Variants in SMC1A observed in about 807,000 individuals in gnomAD.
SMC1A encodes structural maintenance of chromosomes 1A, also known as structural maintenance of chromosomes protein 1A.
SMC1A carries 4 observed loss-of-function variants against 94.5 expected under a neutral mutation model. The observed-to-expected ratio is 0.04, with a 90% CI of 0.02 to 0.10. The LOEUF is 0.10. Among genes scored for constraint, SMC1A ranks in the 10% least tolerant of loss-of-function variants. The pLI is 1.00. For missense variants in SMC1A, 304 were observed against 989.0 expected, an observed-to-expected ratio of 0.31 and a Z score of 9.29; for synonymous variants, 345 against 347.7, an observed-to-expected ratio of 0.99 and a Z score of 0.09.
At chrX:53,381,475 A>G (rs1556885883) in intron 22 of SMC1A, among the ~76,000 whole-genome samples, 1 of 111,631 alleles carries the variant, frequency 9.0e-6, no homozygotes, top group African/African-American at 3.3e-5. Context: ...CTGCACCCTC[A>G]GCCTAGAATG....
At chrX:53,389,842 CTTTTTT>C (rs1193457348) in intron 19 of SMC1A, among the ~76,000 whole-genome samples, 2 of 55,090 alleles carry the variant, frequency 3.6e-5, no homozygotes, top group African/African-American at 7.3e-5. Context: ...TCCAGAATTT[CTTTTTT>C]TTTTTTTTTT....
Position 53,414,837 on chromosome X carries a change from A to G in SMC1A, c.332T>C (p.Val111Ala), listed in dbSNP as rs1556891055. 8.3e-7 allele frequency: 1 copy of G among 1,208,580 alleles called. No homozygotes were observed. The highest frequency in any genetic ancestry group is 1.1e-6 in the Non-Finnish European group (1 of 892,591). Residue 111 changes from valine to alanine, a missense_variant, in exon 3 of 25, where the codon GTG becomes GCG. Transcript: ENST00000322213. ...CTCACTGTACTCATGTAGTTGGACC[A>G]CTTTGTTGTTGATCTTGTACTCAGA... ...GSSEYKINNKVVQLHEYSEEL... is the reference protein window; with the variant it reads ...GSSEYKINNKAVQLHEYSEEL...
At chrX:53,391,380 A>G (rs1201386084) in intron 19 of SMC1A, among the ~76,000 whole-genome samples, 17 of 106,998 alleles carry the variant, frequency 1.6e-4, no homozygotes, top group African/African-American at 5.8e-4. Flanking sequence ...ACACTTCAGG[A>G]GGCTGAAACA....
chrX:53,384,264 CTT>C (rs781943811), intron 19 of SMC1A, among the ~76,000 whole-genome samples: 15 of 95,705 alleles, frequency 1.6e-4, no homozygotes, highest in Non-Finnish European at 1.5e-4. Flanking sequence ...CCTTTTTAGA[CTT>C]TTTTTTTTTT....
Position 53,414,887 on chromosome X carries a change from G to C in SMC1A, c.299-17C>G, listed in dbSNP as rs1556891065. On this transcript the variant is annotated splice_polypyrimidine_tract_variant and intron_variant, in intron 2 of 24. Transcript: ENST00000322213. ...AAGAACCTCCTACAAGACAATGCAT[G>C]AGTTGGCAAGGGTCAGGCCTCCTTC... 8.4e-7 allele frequency: 1 copy of C among 1,187,443 alleles called. No individual in the cohort carries two copies. The highest frequency in any genetic ancestry group is 1.1e-6 in the Non-Finnish European group (1 of 873,657).
intron 15 of SMC1A, among the ~76,000 whole-genome samples, chrX:53,402,413 TCTGA>T (rs782819397): frequency 4.5e-5 from 5 of 110,453 alleles, no homozygotes; most frequent in African/African-American, 9.9e-5. Context: ...ATTATTTTCT[TCTGA>T]CTATTGTTTC....
At chrX:53,403,717 C>A in intron 14 of SMC1A, 45 bp from the exon 15 acceptor site, 1 of 1,180,176 alleles carries the variant, frequency 8.5e-7, no homozygotes, top group Non-Finnish European at 1.2e-6. Flanking sequence ...TTAGTCTGTC[C>A]TGCTTCCAGT....
intron 19 of SMC1A, 34 bp downstream of exon 19, chrX:53,394,739 AACCCC>A: frequency 5.3e-6 from 1 of 188,679 alleles, no homozygotes; most frequent in Admixed American, 6.2e-5. Flanking sequence ...ACTCCCACCC[AACCCC>A]CACCCCCACC....
chrX:53,404,519 A>C (rs782788399), intron 13 of SMC1A, among the ~76,000 whole-genome samples: 1 of 111,287 alleles, frequency 9.0e-6, no homozygotes, highest in South Asian at 3.8e-4. Flanking sequence ...TTTGAGACAG[A>C]GTCTCGCTCT....
upstream of SMC1A, chrX:53,422,727 CT>C: frequency 1.9e-6 from 1 of 513,102 alleles, no homozygotes; most frequent in South Asian, 2.4e-5. Context: ...ACGTCCAGGC[CT>C]AACGGGATTT....
chrX:53,394,731 T>TGCCCCCCCCCCCCCCCCC, intron 19 of SMC1A, 47 bp downstream of exon 19: 6 of 416,221 alleles, frequency 1.4e-5, no homozygotes, highest in East Asian at 4.6e-5. Context: ...ATAGTCCCAC[T>TGCCCCCCCCCCCCCCCCC]CCCACCCAAC....
intron 19 of SMC1A, among the ~76,000 whole-genome samples, chrX:53,384,875 A>G (rs1381976914): frequency 9.0e-6 from 1 of 110,553 alleles, no homozygotes; most frequent in Non-Finnish European, 1.9e-5. Context: ...GGCACAGGAG[A>G]TCGAGGCTGC....
intron 12 of SMC1A, 42 bp downstream of exon 12, chrX:53,405,203 T>G: frequency 2.5e-6 from 3 of 1,211,956 alleles, no homozygotes; most frequent in Non-Finnish European, 3.4e-6. Context: ...TGACCTAGGC[T>G]TAGGACTCCC....
chrX:53,394,147 C>T lies in SMC1A; in HGVS notation c.2973+631G>A, dbSNP rs782147075. Among the ~76,000 whole-genome samples the T allele has an allele frequency of 8.7e-3, 682 of 78,135 alleles. 9 individuals carry two copies. Among genetic ancestry groups the T allele is most frequent in the African/African-American group, 0.035 (650 of 18,681 alleles). The allele number at this position is 78,135 out of a possible 115,157, so 67.9% of individuals were successfully genotyped here. A position where few individuals can be genotyped will look rare whatever the true frequency, so the allele number is the denominator to read the frequency against. On this transcript the variant is annotated intron_variant, in intron 19 of 24. Coordinates refer to ENST00000322213, the MANE Select transcript of SMC1A (RefSeq NM_006306.4). ...AGCCTGGGCAACAAGAGTGAAACTC[C>T]GTCTCAAAAAAAAAAAAAAAAAAAA...
intron 1 of SMC1A, chrX:53,422,182 G>T: frequency 1.5e-6 from 1 of 663,299 alleles, no homozygotes; most frequent in Non-Finnish European, 2.2e-6. Flanking sequence ...GGACTGAGCT[G>T]GCGGGAAGCT....
In SMC1A at chrX:53,377,719, T is replaced by C; in HGVS notation, c.*2384A>G. The C allele has an allele frequency of 9.0e-6, 1 of 110,955 alleles. No homozygotes were observed. Among genetic ancestry groups the C allele is most frequent in the African/African-American group, 3.3e-5 (1 of 30,477 alleles). 9.1% of individuals were successfully genotyped at this position (110,955 alleles called of 1,213,427 possible). A position where few individuals can be genotyped will look rare whatever the true frequency, so the allele number is the denominator to read the frequency against. On this transcript the variant is annotated 3_prime_UTR_variant, in exon 25 of 25. Transcript: ENST00000322213. ...TTTAAAGGGCTGTGAATGATCTAGA[T>C]GCCAGCCAAATTGCTTCATATATAT... is the stretch of plus-strand genomic sequence containing the variant.
Position 53,405,268 on chromosome X carries a change from C to T in SMC1A, c.2035G>A (p.Glu679Lys). Residue 679 changes from glutamate (E) to lysine (K), a missense_variant, in exon 12 of 25, where the codon GAG (glutamate) becomes AAG (lysine). Around this residue, in one of 11 missense-constraint regions of SMC1A, gnomAD observed 57 missense variants for 278.1 expected, o/e 0.20. Transcript: ENST00000322213. ...ACTTTCAGCTCCTCTGTCAAGCGCT[C>T]CTTCTTCTCTTTCAACTTGTCTACT... ...KAVDKLKEKK[E>K]RLTEELKEQM... 8.3e-7 allele frequency: 1 copy of T among 1,212,052 alleles called. No individual in the cohort carries two copies. The highest frequency in any genetic ancestry group is 3.0e-5 in the East Asian group (1 of 33,858).
In SMC1A at chrX:53,401,048, G is replaced by A. The variant is rs184955798; in HGVS notation, c.2421-1318C>T. On this transcript the variant is annotated intron_variant, in intron 15 of 24. Coordinates refer to ENST00000322213, the MANE Select transcript of SMC1A (RefSeq NM_006306.4). ...AAGGCATGCTCTCTCACACTTCCAA[G>A]CATGCTGTTCTCTCTGCTTGGAATT... 4.5e-5 allele frequency among the ~76,000 whole-genome samples: 5 copies of A among 110,906 alleles called. No individual in the cohort carries two copies. The East Asian group carries it at 1.4e-3, about 32-fold the overall frequency.
intron 19 of SMC1A, among the ~76,000 whole-genome samples, chrX:53,391,103 CAGG>C (rs2075627868): frequency 9.3e-6 from 1 of 107,060 alleles, no homozygotes; most frequent in Non-Finnish European, 1.9e-5. Flanking sequence ...CACATGAGGT[CAGG>C]AGTTCAAGAC....
Sources: gnomAD v4.1 joint callset for allele counts (sites outside exome capture counted in the v4.1 genomes callset) on GRCh38, gnomAD v4.1.1 for gene constraint, gnomAD v4.1.1 regional missense constraint, MANE v1.5 for transcripts, NCBI Gene and HGNC (gene_info 2026-07-23, HGNC 2026-07-21) for gene names.